The following GPC5 variants were observed in gnomAD, a reference collection of about 807,000 sequenced individuals.
The protein encoded by GPC5 is glypican-5.
Under a neutral mutation model 53.9 loss-of-function variants are expected in GPC5, and 47 were observed. The ratio of observed to expected loss-of-function variants is 0.87; its 90% confidence interval spans 0.69 to 1.11. The LOEUF (loss-of-function observed/expected upper bound fraction) is 1.11. GPC5 is among the 50% of genes most tolerant of loss of function. GPC5 has a pLI of 0.00. For missense variants in GPC5, 748 were observed against 713.1 expected, an observed-to-expected ratio of 1.05 and a Z score of -0.56; for synonymous variants, 286 against 263.3, an observed-to-expected ratio of 1.09 and a Z score of -0.84.
At chr13:92,139,683 A>AAAAAGTGAAT (rs1322526890) in intron 6 of GPC5, among the ~76,000 whole-genome samples, 1 of 151,592 alleles carries the variant, frequency 6.6e-6, no homozygotes, top group East Asian at 1.9e-4. Context: ...AAAAAAAAAA[A>AAAAAGTGAAT]AAGTGTTATA....
chr13:91,572,392 G>T (rs1312222855), intron 2 of GPC5, among the ~76,000 whole-genome samples: 2 of 151,688 alleles, frequency 1.3e-5, no homozygotes, highest in African/African-American at 4.8e-5. Flanking sequence ...CTGAGACAGG[G>T]TGATCTATAA....
At chr13:92,037,304 G>A (rs1477263421) in intron 6 of GPC5, among the ~76,000 whole-genome samples, 12 of 151,850 alleles carry the variant, frequency 7.9e-5, no homozygotes, top group Non-Finnish European at 7.4e-5. Flanking sequence ...TCTACCTTAG[G>A]GCCTTTATAC....
At chr13:92,341,427 A>G (rs937867707) in intron 7 of GPC5, among the ~76,000 whole-genome samples, 31 of 152,230 alleles carry the variant, frequency 2.0e-4, no homozygotes, top group African/African-American at 7.5e-4. Flanking sequence ...TAAGATAAAG[A>G]TTATAGAAGA....
intron 7 of GPC5, among the ~76,000 whole-genome samples, chr13:92,812,197 TAA>T (rs1877322919): frequency 6.6e-6 from 1 of 151,944 alleles, no homozygotes; most frequent in South Asian, 2.1e-4. Context: ...TTTGCAGTAT[TAA>T]GTGTTCCTGT....
At chr13:92,427,160 T>G (rs867316226) in intron 7 of GPC5, among the ~76,000 whole-genome samples, 1 of 151,636 alleles carries the variant, frequency 6.6e-6, no homozygotes, top group Non-Finnish European at 1.5e-5. Flanking sequence ...ACACTGGTTG[T>G]GTTTGATTTA....
At chr13:92,718,901 A>G (rs1164818653) in intron 7 of GPC5, among the ~76,000 whole-genome samples, 2 of 151,810 alleles carry the variant, frequency 1.3e-5, no homozygotes, top group Non-Finnish European at 1.5e-5. Flanking sequence ...CCCACAAAAA[A>G]AAAAAAAAAA....
intron 2 of GPC5, among the ~76,000 whole-genome samples, chr13:91,687,328 T>G (rs2035644795): frequency 6.6e-6 from 1 of 151,978 alleles, no homozygotes; most frequent in East Asian, 1.9e-4. Context: ...TAAAGTTAAA[T>G]CCTTTATTTG....
intron 5 of GPC5, among the ~76,000 whole-genome samples, chr13:91,860,139 T>A (rs1292211526): frequency 6.6e-6 from 1 of 152,178 alleles, no homozygotes; most frequent in Admixed American, 6.5e-5. Flanking sequence ...TGTCATACCA[T>A]AGTAGTATAG....
At chr13:91,852,135 T>G (rs1350160023) in intron 5 of GPC5, among the ~76,000 whole-genome samples, 2 of 152,148 alleles carry the variant, frequency 1.3e-5, no homozygotes, top group South Asian at 2.1e-4. Context: ...AAAATTAACC[T>G]TAGCTCACTG....
At chr13:91,821,135 A>G (rs528254840) in intron 5 of GPC5, among the ~76,000 whole-genome samples, 18 of 152,324 alleles carry the variant, frequency 1.2e-4, no homozygotes, top group Admixed American at 1.0e-3. Context: ...CAGCTTCATT[A>G]GTTAACTGCC....
chr13:92,724,615 C>A lies in GPC5; in HGVS notation c.1562-141667C>A, dbSNP rs950749035. 3.3e-5 allele frequency among the ~76,000 whole-genome samples: 5 copies of A among 151,508 alleles called. No individual in the cohort carries two copies. In the Admixed American group the frequency reaches 3.3e-4, roughly 10 times the overall value. On this transcript the variant is annotated intron_variant, in intron 7 of 7. Coordinates refer to ENST00000377067, the MANE Select transcript of GPC5 (RefSeq NM_004466.6). The stretch of plus-strand genomic sequence containing the variant: ...CATGGTAAGTGAGATAAGCCAGACA[C>A]AGAAGAATAAATACTGTATTATTCC...
rs534256746 is a variant in GPC5 at position 92,205,044 on chromosome 13, A to AT, written c.1561+60062dup. On this transcript the variant is annotated intron_variant, in intron 7 of 7. Coordinates refer to ENST00000377067, the MANE Select transcript of GPC5 (RefSeq NM_004466.6). ...CAGGTGCCCGCCACCACACCTGGCT[A>AT]TTTTTTTGTATTTTTAGTAGAGAAG... 1.9e-4 allele frequency among the ~76,000 whole-genome samples: 29 copies of AT among 151,806 alleles called. No individual in the cohort carries two copies. In the East Asian group the frequency reaches 4.1e-3, roughly 21 times the overall value.
chr13:92,300,014 A>C (rs2043064719), intron 7 of GPC5, among the ~76,000 whole-genome samples: 1 of 152,142 alleles, frequency 6.6e-6, no homozygotes, highest in Non-Finnish European at 1.5e-5. Context: ...TTTTAAATCA[A>C]ACTCTTTCTG....
chr13:91,956,427 T>A (rs1566362369), intron 6 of GPC5, among the ~76,000 whole-genome samples: 1 of 152,142 alleles, frequency 6.6e-6, no homozygotes, highest in Non-Finnish European at 1.5e-5. Flanking sequence ...GCTGCTGCCA[T>A]TGCTAATGCC....
chr13:91,660,638 A>G (rs2139613478), intron 2 of GPC5, among the ~76,000 whole-genome samples: 1 of 152,358 alleles, frequency 6.6e-6, no homozygotes, highest in South Asian at 2.1e-4. Context: ...ATAGTTAACT[A>G]ATACAGATGG....
In GPC5 at chr13:92,557,553, T is replaced by C. The variant is rs112276224; in HGVS notation, c.1562-308729T>C. Among the ~76,000 whole-genome samples the C allele has an allele frequency of 2.5e-3, 377 of 152,178 alleles. 2 individuals are homozygous for C. Among genetic ancestry groups the C allele is most frequent in the African/African-American group, 8.3e-3 (343 of 41,552 alleles). On this transcript the variant is annotated intron_variant, in intron 7 of 7. Transcript: ENST00000377067. ...TCAAACACATTTTAAAACTTTTTCA[T>C]GAATTGCAGTCTATCCTCAAACCCA...
intron 5 of GPC5, among the ~76,000 whole-genome samples, chr13:91,759,907 A>C (rs1022661869): frequency 6.6e-6 from 1 of 152,162 alleles, no homozygotes; most frequent in Admixed American, 6.6e-5. Flanking sequence ...TTTCAAAAAA[A>C]TAAAATAGAT....
intron 7 of GPC5, among the ~76,000 whole-genome samples, chr13:92,622,078 C>T (rs948177121): frequency 2.4e-4 from 37 of 152,286 alleles, no homozygotes; most frequent in Non-Finnish European, 5.1e-4. Flanking sequence ...TTCCTGTTTG[C>T]CCGTGGGATG....
At chr13:92,786,411 C>G (rs759461954) in intron 7 of GPC5, among the ~76,000 whole-genome samples, 1 of 151,850 alleles carries the variant, frequency 6.6e-6, no homozygotes, top group Non-Finnish European at 1.5e-5. Context: ...TAGGAGATAA[C>G]TGGATAAGCA....
Sources: allele counts gnomAD v4.1 joint callset (sites outside exome capture counted in the v4.1 genomes callset), GRCh38; gene constraint gnomAD v4.1.1; transcripts MANE v1.5; gene names NCBI Gene and HGNC (gene_info 2026-07-23, HGNC 2026-07-21).